CATSPERE: variants seen among roughly 807,000 people sequenced by gnomAD.
CATSPERE encodes catsper channel auxiliary subunit epsilon.
CATSPERE carries 93 observed loss-of-function variants against 114.1 expected under a neutral mutation model. The observed-to-expected ratio is 0.81, with a 90% CI of 0.69 to 0.97. CATSPERE has a LOEUF of 0.97. CATSPERE is among the 50% of genes least tolerant of loss of function. CATSPERE has a pLI of 0.00. For synonymous variants in CATSPERE, 341 were observed against 384.1 expected, an observed-to-expected ratio of 0.89 and a Z score of 1.31; for missense variants, 1,058 against 1,131.6, an observed-to-expected ratio of 0.93 and a Z score of 0.93.
At chr1:244,452,288 TG>T (rs1200536000), upstream of CATSPERE, among the ~76,000 whole-genome samples, 27 of 152,276 alleles carry the variant, frequency 1.8e-4, no homozygotes, top group Non-Finnish European at 3.1e-4. Flanking sequence ...TGCAACGCTC[TG>T]GGCTGCGGCG....
intron 8 of CATSPERE, 33 bp from the exon 9 acceptor site, chr1:244,552,289 G>T (rs1383087888): frequency 1.9e-6 from 3 of 1,560,776 alleles, no homozygotes; most frequent in Non-Finnish European, 2.6e-6. Flanking sequence ...ATGAGAGAGA[G>T]ATCATTTTAT....
intron 20 of CATSPERE, among the ~76,000 whole-genome samples, chr1:244,627,634 C>T (rs1262698935): frequency 6.6e-6 from 1 of 152,086 alleles, no homozygotes; most frequent in Admixed American, 6.5e-5. Context: ...AAAGCAAGCA[C>T]ATGATGTTTA....
rs542265709 is a variant in CATSPERE, at chr1:244,528,083, T to A, written c.536+9385T>A. On this transcript the variant is annotated intron_variant, in intron 8 of 21. Transcript: ENST00000366534. ...GGTGTTACACCCAGCATCCATTAGC[T>A]ATTCTTCCTGATGCTCTCCCTTTCC... 7.9e-5 allele frequency among the ~76,000 whole-genome samples: 12 copies of A among 152,332 alleles called. No individual in the cohort carries two copies. In the South Asian group the frequency reaches 2.5e-3, roughly 32 times the overall value.
chr1:244,525,424 G>T (rs542298880), intron 8 of CATSPERE, among the ~76,000 whole-genome samples: 1 of 151,864 alleles, frequency 6.6e-6, no homozygotes, highest in Non-Finnish European at 1.5e-5. Context: ...CACCAGCATG[G>T]CACATGTATA....
At position 244,570,510 on chromosome 1, in the gene CATSPERE, T is replaced by G. The variant is rs34812674; in HGVS notation, c.1508-1820T>G. On this transcript the variant is annotated intron_variant, in intron 10 of 21. Transcript: ENST00000366534. ...TTAAGTTAAATGGTTATTTCATTTA[T>G]TTTTAGTCTTTCTTATTTTCTAAGC... 2.7e-3 allele frequency among the ~76,000 whole-genome samples: 416 copies of G among 152,370 alleles called. 2 individuals are homozygous for G. The highest frequency in any genetic ancestry group is 9.4e-3 in the African/African-American group (392 of 41,594).
intron 8 of CATSPERE, 120 bp downstream of exon 8, chr1:244,518,818 A>C: frequency 1.9e-6 from 1 of 532,802 alleles, no homozygotes; most frequent in Non-Finnish European, 3.2e-6. Flanking sequence ...TTCTTTTATA[A>C]AACATAAAAA....
At chr1:244,595,969 C>G (rs957630877) in intron 17 of CATSPERE, among the ~76,000 whole-genome samples, 2 of 152,166 alleles carry the variant, frequency 1.3e-5, no homozygotes, top group East Asian at 1.9e-4. Flanking sequence ...AGCTAGTTCT[C>G]TCTGGGAGAG....
intron 17 of CATSPERE, among the ~76,000 whole-genome samples, chr1:244,598,166 C>T (rs1668693357): frequency 1.3e-5 from 2 of 152,148 alleles, no homozygotes; most frequent in African/African-American, 2.4e-5. Context: ...AAAAGTTGGA[C>T]GTTTCTCATC....
At chr1:244,478,864 C>T (rs1669782168) in intron 4 of CATSPERE, among the ~76,000 whole-genome samples, 1 of 151,506 alleles carries the variant, frequency 6.6e-6, no homozygotes, top group Non-Finnish European at 1.5e-5. Flanking sequence ...CCCGTCTCTG[C>T]TAAAAATACA....
chr1:244,585,529 C>T (rs1474869019), intron 13 of CATSPERE, among the ~76,000 whole-genome samples: 4 of 152,200 alleles, frequency 2.6e-5, no homozygotes, highest in Admixed American at 2.6e-4. Context: ...AAAACATGCA[C>T]ACAACTGTGA....
intron 1 of CATSPERE, among the ~76,000 whole-genome samples, chr1:244,463,516 A>T (rs1039972464): frequency 6.6e-6 from 1 of 152,086 alleles, no homozygotes; most frequent in African/African-American, 2.4e-5. Context: ...CTCCAGAGCA[A>T]GACCCTGTCT....
chr1:244,546,366 A>G (rs1198481198), intron 8 of CATSPERE, among the ~76,000 whole-genome samples: 6 of 152,224 alleles, frequency 3.9e-5, no homozygotes, highest in African/African-American at 7.2e-5. Flanking sequence ...ACAAAACTAT[A>G]CTGTGAAGAT....
chr1:244,636,458 T>C (rs1674640717), intron 21 of CATSPERE: 2 of 152,250 alleles, frequency 1.3e-5, no homozygotes, highest in African/African-American at 4.8e-5. Context: ...CAAGAGTTGT[T>C]TCTACATAAC....
chr1:244,556,206 A>G (rs906292020), intron 9 of CATSPERE, among the ~76,000 whole-genome samples: 2 of 151,858 alleles, frequency 1.3e-5, no homozygotes, highest in Admixed American at 6.6e-5. Flanking sequence ...TCTAAAGAAT[A>G]TATATATATA....
chr1:244,483,520 T>C (rs1486194229), intron 5 of CATSPERE, among the ~76,000 whole-genome samples: 2 of 152,182 alleles, frequency 1.3e-5, no homozygotes, highest in Non-Finnish European at 2.9e-5. Flanking sequence ...ATTTTTCCAG[T>C]CTACTAGGTA....
intron 10 of CATSPERE, among the ~76,000 whole-genome samples, chr1:244,567,789 C>T (rs956995034): frequency 1.3e-5 from 2 of 151,940 alleles, no homozygotes; most frequent in Admixed American, 6.6e-5. Flanking sequence ...TTAGAACATG[C>T]TCCTTTAGCT....
chr1:244,582,107 T>C (rs1025284725), intron 12 of CATSPERE, among the ~76,000 whole-genome samples: 21 of 152,218 alleles, frequency 1.4e-4, no homozygotes, highest in African/African-American at 5.1e-4. Flanking sequence ...AAAAGGGCTG[T>C]TTCTTAGTTG....
chr1:244,490,713 C>T (rs1358549105), intron 6 of CATSPERE, among the ~76,000 whole-genome samples: 2 of 152,054 alleles, frequency 1.3e-5, no homozygotes, highest in Non-Finnish European at 2.9e-5. Flanking sequence ...TATTCACCAA[C>T]AACTTGGCTG....
chr1:244,550,664 A>G (rs1346934094), intron 8 of CATSPERE, among the ~76,000 whole-genome samples: 5 of 152,238 alleles, frequency 3.3e-5, no homozygotes, highest in Non-Finnish European at 1.5e-5. Context: ...CAAAAAGTGG[A>G]AATTACACTG....
Sources: allele counts gnomAD v4.1 joint callset (sites outside exome capture counted in the v4.1 genomes callset), GRCh38; gene constraint gnomAD v4.1.1; transcripts MANE v1.5; gene names NCBI Gene and HGNC (gene_info 2026-07-23, HGNC 2026-07-21).